Variants in TRAK1 observed in about 807,000 individuals in gnomAD.
TRAK1 encodes the protein trafficking kinesin protein 1.
In TRAK1, 33 loss-of-function variants were observed where a neutral mutation model predicts 92.1. The ratio of observed to expected loss-of-function variants is 0.36; its 90% CI spans 0.27 to 0.48. TRAK1 has a LOEUF of 0.48. TRAK1 is among the 20% of genes least tolerant of loss of function. The pLI, the probability that TRAK1 is intolerant of heterozygous loss-of-function variation, is 0.99. For synonymous variants in TRAK1, 521 were observed against 517.3 expected (o/e 1.01, Z -0.10); for missense variants, 1,123 against 1,257.9 (o/e 0.89, Z 1.62).
intron 2 of TRAK1, among the ~76,000 whole-genome samples, chr3:42,171,971 C>T (rs1239432321): frequency 6.6e-6 from 1 of 152,184 alleles, no homozygotes; most frequent in Non-Finnish European, 1.5e-5. Context: ...CCTCCATCCC[C>T]CCTCTCCGTC....
upstream of TRAK1, chr3:42,091,208 G>C: frequency 2.2e-6 from 1 of 456,744 alleles, no homozygotes; most frequent in Non-Finnish European, 3.8e-6. Context: ...CCCCAACCTA[G>C]AGGTATCACA....
At chr3:42,154,472 C>CTTATTTAT (rs534238998) in intron 2 of TRAK1, among the ~76,000 whole-genome samples, 12 of 150,418 alleles carry the variant, frequency 8.0e-5, no homozygotes, top group Non-Finnish European at 5.9e-5. Flanking sequence ...TGCACCCAGC[C>CTTATTTAT]TTATTTATTT....
upstream of TRAK1, among the ~76,000 whole-genome samples, chr3:42,084,602 T>TCACC (rs1196459589): frequency 1.3e-5 from 2 of 152,132 alleles, no homozygotes; most frequent in Non-Finnish European, 2.9e-5. Flanking sequence ...CAGCTTCCCT[T>TCACC]GGCTTCAGCC....
chr3:42,031,116 G>A (rs1702129618), intron 1 of TRAK1, among the ~76,000 whole-genome samples: 1 of 147,858 alleles, frequency 6.8e-6, no homozygotes, highest in Admixed American at 6.8e-5. Context: ...GCTCACTGCA[G>A]CCTCCACCTC....
At chr3:42,116,752 A>T (rs1709214535) in intron 1 of TRAK1, among the ~76,000 whole-genome samples, 1 of 152,008 alleles carries the variant, frequency 6.6e-6, no homozygotes, top group Non-Finnish European at 1.5e-5. Context: ...CTCTGCACCC[A>T]CCTCTCTGAT....
chr3:42,189,033 C>A lies in TRAK1; in HGVS notation c.599C>A (p.Ser200Ter), dbSNP rs766246712. 2.5e-6 allele frequency: 4 copies of A among 1,613,186 alleles called. No homozygotes were observed. The highest frequency in any genetic ancestry group is 1.3e-5 in the African/African-American group (1 of 75,016). The part of the protein sequence containing the change: ...VCSTPLKRNE[S>*]SSSVQNYFHL... ...TCCCCCAGGTTGAAGAGGAATGAGT[C>A]GTCCTCCTCAGTCCAGAATTACTTT... Residue 200 changes from serine (S) to a stop codon, truncating the protein, a stop_gained, in exon 6 of 16, where the codon TCG becomes TAG. Coordinates refer to ENST00000327628, the MANE Select transcript of TRAK1 (RefSeq NM_001042646.3). LOFTEE classifies it high-confidence loss of function.
chr3:42,107,475 G>A (rs1450911055), intron 1 of TRAK1, among the ~76,000 whole-genome samples: 1 of 150,182 alleles, frequency 6.7e-6, no homozygotes, highest in East Asian at 2.0e-4. Context: ...TTGTGCCACT[G>A]CACTCCAGCC....
chr3:42,150,780 C>T (rs1304274592), intron 2 of TRAK1, among the ~76,000 whole-genome samples: 2 of 152,160 alleles, frequency 1.3e-5, no homozygotes, highest in Admixed American at 1.3e-4. Context: ...CTCACTGGCC[C>T]CCAGCTTTAG....
At position 42,212,266 on chromosome 3, in the gene TRAK1, G is replaced by A. The variant is rs181725837; in HGVS notation, c.1963+2281G>A. Reference sequence around the variant, plus strand: ...TGGTCTGGTCCCTGCCTTTTAATCCGTCCTCTACGCTTGGGCTTTTCTGTT... The same window carrying A: ...TGGTCTGGTCCCTGCCTTTTAATCCATCCTCTACGCTTGGGCTTTTCTGTT... On this transcript the variant is annotated intron_variant, in intron 14 of 15. Coordinates refer to ENST00000327628, the MANE Select transcript of TRAK1 (RefSeq NM_001042646.3). 2.1e-3 allele frequency: 2,087 copies of A among 985,352 alleles called. 2 individuals are homozygous for A. The highest frequency in any genetic ancestry group is 2.4e-3 in the Non-Finnish European group (2,025 of 829,924). 61.0% of individuals were successfully genotyped at this position (985,352 alleles called of 1,614,324 possible). A position where few individuals can be genotyped will look rare whatever the true frequency, so the allele number is the denominator to read the frequency against.
At chr3:42,187,871 G>A (rs1705122830) in intron 4 of TRAK1, among the ~76,000 whole-genome samples, 174 bp from the exon 5 acceptor site, 1 of 152,160 alleles carries the variant, frequency 6.6e-6, no homozygotes, top group African/African-American at 2.4e-5. Flanking sequence ...CTTTTAAATA[G>A]ATTAAATGAA....
chr3:42,109,974 A>G (rs1201034072), intron 1 of TRAK1, among the ~76,000 whole-genome samples: 5 of 150,926 alleles, frequency 3.3e-5, no homozygotes, highest in African/African-American at 1.2e-4. Flanking sequence ...GGCGGGGGGG[A>G]TGGCATTAGG....
chr3:42,178,420 C>T (rs2149369129), intron 3 of TRAK1, among the ~76,000 whole-genome samples: 1 of 152,224 alleles, frequency 6.6e-6, no homozygotes, highest in East Asian at 1.9e-4. Context: ...GCTCTCCCGC[C>T]CTTGGCCTTC....
intron 1 of TRAK1, among the ~76,000 whole-genome samples, chr3:42,035,371 G>A (rs1236461953): frequency 6.6e-6 from 1 of 152,134 alleles, no homozygotes; most frequent in Non-Finnish European, 1.5e-5. Flanking sequence ...TCTTGGTTCA[G>A]ACCTGTCTCC....
intron 1 of TRAK1, among the ~76,000 whole-genome samples, chr3:42,059,303 C>T (rs1703331127): frequency 6.6e-6 from 1 of 152,030 alleles, no homozygotes; most frequent in Non-Finnish European, 1.5e-5. Context: ...TTTGTGTTGC[C>T]CAGGCTGGGA....
At chr3:42,043,189 G>C (rs1702616024) in intron 1 of TRAK1, among the ~76,000 whole-genome samples, 1 of 152,016 alleles carries the variant, frequency 6.6e-6, no homozygotes, top group African/African-American at 2.4e-5. Context: ...AAGGCACTCA[G>C]CTGTCTCATG....
intron 1 of TRAK1, among the ~76,000 whole-genome samples, chr3:42,116,414 G>T (rs1412011057): frequency 6.6e-6 from 1 of 152,248 alleles, no homozygotes; most frequent in Non-Finnish European, 1.5e-5. Context: ...GCTGTAAACT[G>T]CATAGTCCCT....
chr3:42,206,662 T>C (rs1201360021), intron 13 of TRAK1, among the ~76,000 whole-genome samples: 1 of 152,236 alleles, frequency 6.6e-6, no homozygotes, highest in Non-Finnish European at 1.5e-5. Flanking sequence ...CCAGTAAAAG[T>C]TGGCTGTTCT....
chr3:42,187,874 T>G (rs533839761), intron 4 of TRAK1, among the ~76,000 whole-genome samples, 171 bp from the exon 5 acceptor site: 4 of 152,356 alleles, frequency 2.6e-5, no homozygotes, highest in African/African-American at 9.6e-5. Context: ...TTAAATAGAT[T>G]AAATGAAAGC....
intron 1 of TRAK1, among the ~76,000 whole-genome samples, chr3:42,101,191 G>A (rs1706706146): frequency 6.6e-6 from 1 of 152,322 alleles, no homozygotes; most frequent in African/African-American, 2.4e-5. Context: ...AGCTCAAGAG[G>A]ACAGACCCAA....
Sources: gnomAD v4.1 joint callset for allele counts (sites outside exome capture counted in the v4.1 genomes callset) on GRCh38, gnomAD v4.1.1 for gene constraint, MANE v1.5 for transcripts, NCBI Gene and HGNC (gene_info 2026-07-23, HGNC 2026-07-21) for gene names.